The following STXBP5L variants were observed in gnomAD, a reference collection of about 807,000 sequenced individuals.
STXBP5L encodes the protein syntaxin binding protein 5L, also known as syntaxin-binding protein 5-like.
STXBP5L carries 65 observed loss-of-function variants against 144.5 expected under a neutral mutation model. That is an observed-to-expected ratio of 0.45 (90% CI 0.37 to 0.55). The LOEUF (loss-of-function observed/expected upper bound fraction) is 0.55. STXBP5L is among the 20% of genes least tolerant of loss of function. The pLI, the probability that STXBP5L is intolerant of heterozygous loss-of-function variation, is 0.00. For synonymous variants in STXBP5L, 505 were observed against 469.6 expected, an observed-to-expected ratio of 1.08 and a Z score of -0.97; for missense variants, 1,298 against 1,405.5, an observed-to-expected ratio of 0.92 and a Z score of 1.22.
At chr3:121,183,847 T>G (rs1459581228) in intron 9 of STXBP5L, among the ~76,000 whole-genome samples, 1 of 151,938 alleles carries the variant, frequency 6.6e-6, no homozygotes, top group African/African-American at 2.4e-5. Context: ...CCCACTAAGA[T>G]GAAGCTTCCA....
intron 2 of STXBP5L, among the ~76,000 whole-genome samples, chr3:120,926,928 C>G (rs1576429493): frequency 7.1e-6 from 1 of 140,004 alleles, no homozygotes; most frequent in Admixed American, 7.5e-5. Context: ...TGATAAATTT[C>G]TTTCCTTTCT....
chr3:121,305,154 A>AT (rs2043294305), intron 19 of STXBP5L, among the ~76,000 whole-genome samples: 1 of 152,154 alleles, frequency 6.6e-6, no homozygotes, highest in South Asian at 2.1e-4. Flanking sequence ...TATCATTAAC[A>AT]TTTTTTAATT....
chr3:121,139,805 A>G (rs893385726), intron 7 of STXBP5L, among the ~76,000 whole-genome samples: 1 of 152,228 alleles, frequency 6.6e-6, no homozygotes, highest in South Asian at 2.1e-4. Flanking sequence ...AGTTATTACT[A>G]TAAGCAGACT....
intron 3 of STXBP5L, among the ~76,000 whole-genome samples, chr3:121,036,772 A>ATTTTTTTTTTTTTTTTTTTTTTTTTTT (rs3863971): frequency 8.2e-6 from 1 of 122,224 alleles, no homozygotes; most frequent in Non-Finnish European, 1.7e-5. Flanking sequence ...ACATTGATTG[A>ATTTTTTTTTTTTTTTTTTTTTTTTTTT]TTTTTTTTTT....
intron 23 of STXBP5L, 158 bp downstream of exon 23, chr3:121,407,761 G>C (rs908610733): frequency 2.1e-5 from 22 of 1,056,188 alleles, no homozygotes; most frequent in Middle Eastern, 3.0e-4. Context: ...GATTTGATGA[G>C]AGTTTGGGGG....
intron 2 of STXBP5L, among the ~76,000 whole-genome samples, chr3:120,929,911 A>G (rs571773774): frequency 2.6e-5 from 4 of 151,538 alleles, no homozygotes; most frequent in Non-Finnish European, 5.9e-5. Context: ...GTCCTTTCAT[A>G]TCCCCTTTCT....
intron 9 of STXBP5L, among the ~76,000 whole-genome samples, chr3:121,168,196 C>A (rs1236269939): frequency 6.6e-6 from 1 of 152,012 alleles, no homozygotes; most frequent in African/African-American, 2.4e-5. Flanking sequence ...CATCAAAGAC[C>A]AAAGGTAGAT....
intron 3 of STXBP5L, among the ~76,000 whole-genome samples, chr3:120,974,903 T>A (rs368823445): frequency 2.0e-5 from 3 of 152,260 alleles, no homozygotes; most frequent in East Asian, 3.9e-4. Context: ...TTGATCTATA[T>A]CTCTGTTTTG....
In STXBP5L at chr3:121,318,058, A is replaced by G. The variant is rs72968074; in HGVS notation, c.2111-417A>G. ...ATTAAAGTAGCTATTTCTTATAAAA[A>G]TAGTTAAAAAAGGATTTTATATCTT... On this transcript the variant is annotated intron_variant, in intron 19 of 26. Coordinates refer to ENST00000471454, the MANE Select transcript of STXBP5L (RefSeq NM_001308330.2). Among the ~76,000 whole-genome samples, 381 of 152,266 alleles carry G rather than the reference A, an allele frequency of 2.5e-3. 2 individuals carry two copies. Among genetic ancestry groups the G allele is most frequent in the African/African-American group, 8.6e-3 (358 of 41,590 alleles).
At chr3:121,263,443 AG>A (rs1458848023) in intron 18 of STXBP5L, among the ~76,000 whole-genome samples, 1 of 152,170 alleles carries the variant, frequency 6.6e-6, no homozygotes, top group African/African-American at 2.4e-5. Context: ...CTCACCAGCA[AG>A]GGAACAAAAC....
chr3:120,920,404 T>C (rs1385816321), intron 2 of STXBP5L, among the ~76,000 whole-genome samples: 2 of 151,772 alleles, frequency 1.3e-5, no homozygotes, highest in African/African-American at 4.8e-5. Flanking sequence ...TTGGGGTACA[T>C]ATGGTAATTT....
chr3:121,067,689 A>G (rs959257739), intron 5 of STXBP5L, among the ~76,000 whole-genome samples: 2 of 152,146 alleles, frequency 1.3e-5, no homozygotes, highest in Non-Finnish European at 2.9e-5. Context: ...GTTCTATCTG[A>G]TATTAAGAGA....
At chr3:121,152,816 G>A (rs1430130185) in intron 8 of STXBP5L, among the ~76,000 whole-genome samples, 1 of 152,056 alleles carries the variant, frequency 6.6e-6, no homozygotes, top group Non-Finnish European at 1.5e-5. Context: ...AATAGATCCT[G>A]CCTTGTCAAT....
chr3:121,283,856 G>A (rs994328214), intron 19 of STXBP5L, among the ~76,000 whole-genome samples: 1 of 151,078 alleles, frequency 6.6e-6, no homozygotes, highest in Non-Finnish European at 1.5e-5. Flanking sequence ...TCCCAGTTTA[G>A]CCTTCTGAAG....
intron 22 of STXBP5L, among the ~76,000 whole-genome samples, chr3:121,394,008 GT>G (rs1296428880): frequency 4.6e-5 from 7 of 152,142 alleles, no homozygotes; most frequent in African/African-American, 1.2e-4. Flanking sequence ...TCTGTAGATT[GT>G]TTTGGGCAGT....
At chr3:120,964,799 G>A (rs1939350418) in intron 3 of STXBP5L, among the ~76,000 whole-genome samples, 1 of 152,172 alleles carries the variant, frequency 6.6e-6, no homozygotes, top group African/African-American at 2.4e-5. Flanking sequence ...GCTTGTTGCA[G>A]ATCTGAGTTC....
At chr3:121,351,817 G>A (rs1011784571) in intron 20 of STXBP5L, among the ~76,000 whole-genome samples, 1 of 152,136 alleles carries the variant, frequency 6.6e-6, no homozygotes, top group African/African-American at 2.4e-5. Flanking sequence ...ATGGTTTTAG[G>A]TCTAACATTT....
At chr3:121,243,605 A>C (rs1291646501) in intron 14 of STXBP5L, among the ~76,000 whole-genome samples, 1 of 151,632 alleles carries the variant, frequency 6.6e-6, no homozygotes, top group Non-Finnish European at 1.5e-5. Flanking sequence ...GAGAATACTC[A>C]CTGGCAGCAC....
At chr3:120,985,355 A>G (rs778951894) in intron 3 of STXBP5L, among the ~76,000 whole-genome samples, 5 of 152,164 alleles carry the variant, frequency 3.3e-5, no homozygotes, top group East Asian at 1.9e-4. Flanking sequence ...TGATGTATGT[A>G]TACATGGCAA....
Sources: gnomAD v4.1 joint callset for allele counts (sites outside exome capture counted in the v4.1 genomes callset) on GRCh38, gnomAD v4.1.1 for gene constraint, MANE v1.5 for transcripts, NCBI Gene and HGNC (gene_info 2026-07-23, HGNC 2026-07-21) for gene names.